Variants in BCKDHB observed in about 807,000 individuals in gnomAD.
BCKDHB encodes the protein branched chain keto acid dehydrogenase E1 subunit beta.
A neutral mutation model predicts 48.5 loss-of-function variants in BCKDHB; 41 were observed. That is an observed-to-expected ratio of 0.85 (90% CI 0.66 to 1.10). The LOEUF (loss-of-function observed/expected upper bound fraction) is 1.10, where lower values mean the gene tolerates loss of function less well. BCKDHB is among the 50% of genes least tolerant of loss of function. The pLI, the probability that BCKDHB is intolerant of heterozygous loss-of-function variation, is 0.00. For synonymous variants in BCKDHB, 201 were observed against 174.8 expected (o/e 1.15, Z -1.18); for missense variants, 496 against 494.2 (o/e 1.00, Z -0.03).
the BCKDHB span, among the ~76,000 whole-genome samples, chr6:80,461,636 C>T: frequency 6.6e-6 from 1 of 152,088 alleles, no homozygotes; most frequent in Non-Finnish European, 1.5e-5. Context: ...TTTTTAATCT[C>T]TCTAGCTTTA....
intron 9 of BCKDHB, among the ~76,000 whole-genome samples, chr6:80,287,375 A>G (rs653959): frequency 0.8 from 121,324 of 152,052 alleles, 48,584 homozygotes; most frequent in Admixed American, 0.87. Flanking sequence ...AGTTAGGACT[A>G]TATAGCAATT....
At chr6:80,130,273 T>C (rs1253537600) in intron 3 of BCKDHB, among the ~76,000 whole-genome samples, 1 of 152,210 alleles carries the variant, frequency 6.6e-6, no homozygotes, top group Non-Finnish European at 1.5e-5. Context: ...CAGGAGCTGA[T>C]ATCTCCCTCT....
At chr6:80,362,223 G>A in the BCKDHB span, among the ~76,000 whole-genome samples, 3 of 152,074 alleles carry the variant, frequency 2.0e-5, no homozygotes, top group South Asian at 4.2e-4. Context: ...TATTTTCATG[G>A]TATCTTTGGT....
At chr6:80,426,229 C>A in the BCKDHB span, among the ~76,000 whole-genome samples, 3 of 152,236 alleles carry the variant, frequency 2.0e-5, no homozygotes, top group East Asian at 5.8e-4. Context: ...TTTGATACTG[C>A]ACTCTATAGG....
intron 1 of BCKDHB, among the ~76,000 whole-genome samples, chr6:80,124,681 A>G (rs115509889): frequency 0.012 from 1,789 of 152,226 alleles, 31 homozygotes; most frequent in African/African-American, 0.041. Flanking sequence ...AACAACGTTA[A>G]TCTTATACAT....
At chr6:80,275,962 A>G (rs1180270527) in intron 9 of BCKDHB, among the ~76,000 whole-genome samples, 2 of 152,000 alleles carry the variant, frequency 1.3e-5, no homozygotes, top group Non-Finnish European at 2.9e-5. Flanking sequence ...TTTAAGGTTA[A>G]AAAAGATAAA....
At chr6:80,174,812 TA>T (rs1478099903) in intron 6 of BCKDHB, among the ~76,000 whole-genome samples, 2 of 152,164 alleles carry the variant, frequency 1.3e-5, no homozygotes, top group East Asian at 3.9e-4. Flanking sequence ...AGCCCTTGAT[TA>T]AAGCCTGTGG....
chr6:80,374,516 T>C, the BCKDHB span: 1 of 733,550 alleles, frequency 1.4e-6, no homozygotes, highest in Non-Finnish European at 2.6e-6. Context: ...GATTGGAACC[T>C]CTTGATTTGC....
the BCKDHB span, chr6:80,453,102 A>G: frequency 6.6e-6 from 1 of 152,312 alleles, no homozygotes; most frequent in South Asian, 2.1e-4. Flanking sequence ...ATTTTGGTGG[A>G]TGAAAATAAT....
At chr6:80,168,345 G>A (rs1582273414) in intron 4 of BCKDHB, among the ~76,000 whole-genome samples, 1 of 148,398 alleles carries the variant, frequency 6.7e-6, no homozygotes, top group South Asian at 2.2e-4. Flanking sequence ...GAAGGGAGAG[G>A]GGAGAGAGGA....
rs1770063712 is a variant in BCKDHB at position 80,344,096 on chromosome 6, CT to C, written c.*293del. 2 of 414,090 alleles carry C rather than the reference CT, an allele frequency of 4.8e-6. No individual in the cohort carries two copies. The highest frequency in any genetic ancestry group is 9.0e-6 in the Non-Finnish European group (2 of 221,708). 25.7% of individuals were successfully genotyped at this position (414,090 alleles called of 1,614,324 possible). A position where few individuals can be genotyped will look rare whatever the true frequency, so the allele number is the denominator to read the frequency against. ...GCTCACTGCAACCTCCCCCCTACCC[CT>C]GAGTTCAAGCGATTCTCCTGCCTCA... On this transcript the variant is annotated 3_prime_UTR_variant, in exon 10 of 10. Transcript: ENST00000320393.
intron 1 of BCKDHB, among the ~76,000 whole-genome samples, chr6:80,116,289 A>T (rs1769700444): frequency 1.3e-5 from 2 of 152,302 alleles, no homozygotes; most frequent in East Asian, 1.9e-4. Context: ...TTGTCTTTGA[A>T]TGTGACATTG....
chr6:80,420,567 G>A, the BCKDHB span, among the ~76,000 whole-genome samples: 1 of 152,132 alleles, frequency 6.6e-6, no homozygotes, highest in Non-Finnish European at 1.5e-5. Context: ...GAGATCCAAG[G>A]GCTCTTTGCT....
At chr6:80,342,355 G>A (rs956600302) in intron 9 of BCKDHB, among the ~76,000 whole-genome samples, 1 of 151,960 alleles carries the variant, frequency 6.6e-6, no homozygotes, top group Non-Finnish European at 1.5e-5. Context: ...AGCTGTGAAT[G>A]TTAAAAGTAA....
At chr6:80,243,953 G>C (rs1209409345) in intron 8 of BCKDHB, among the ~76,000 whole-genome samples, 4 of 152,168 alleles carry the variant, frequency 2.6e-5, no homozygotes, top group Non-Finnish European at 5.9e-5. Context: ...ATCTAAAGAT[G>C]AATCAACAGC....
chr6:80,307,481 TTCAGA>T, intron 9 of BCKDHB: 1 of 985,302 alleles, frequency 1.0e-6, no homozygotes, highest in Non-Finnish European at 1.2e-6. Context: ...TTACATTTTT[TTCAGA>T]TATACCCCCA....
chr6:80,147,745 A>G (rs1226752703), intron 3 of BCKDHB, among the ~76,000 whole-genome samples: 4 of 152,142 alleles, frequency 2.6e-5, no homozygotes, highest in Admixed American at 6.6e-5. Context: ...ATGGGGCCCA[A>G]CAATCTTTAC....
At chr6:80,139,929 T>C (rs1315453194) in intron 3 of BCKDHB, among the ~76,000 whole-genome samples, 1 of 151,888 alleles carries the variant, frequency 6.6e-6, no homozygotes, top group African/African-American at 2.4e-5. Flanking sequence ...ATTCTTCCTA[T>C]CCATGAGCAT....
At chr6:80,107,558 C>T (rs963028768) in intron 1 of BCKDHB, among the ~76,000 whole-genome samples, 1 of 137,288 alleles carries the variant, frequency 7.3e-6, no homozygotes, top group Non-Finnish European at 1.5e-5. Flanking sequence ...CATATATATG[C>T]ATATATATAT....
Sources: allele counts gnomAD v4.1 joint callset (sites outside exome capture counted in the v4.1 genomes callset), GRCh38; gene constraint gnomAD v4.1.1; transcripts MANE v1.5; gene names NCBI Gene and HGNC (gene_info 2026-07-23, HGNC 2026-07-21).